Variants in DNAJC27 observed in about 807,000 individuals in gnomAD.
The protein encoded by DNAJC27 is DnaJ heat shock protein family (Hsp40) member C27.
In DNAJC27, 25 loss-of-function variants were observed where a neutral mutation model predicts 31.4. The observed-to-expected ratio is 0.80, with a 90% CI of 0.58 to 1.11. DNAJC27 has a LOEUF of 1.11. DNAJC27 is among the 50% of genes most tolerant of loss of function. The pLI, the probability that DNAJC27 is intolerant of heterozygous loss-of-function variation, is 0.00. For missense variants in DNAJC27, 356 were observed against 347.3 expected (o/e 1.02, Z -0.20); for synonymous variants, 106 against 112.7 (o/e 0.94, Z 0.37).
At chr2:24,951,626 T>A in intron 5 of DNAJC27, 72 bp from the exon 6 acceptor site, 1 of 1,365,664 alleles carries the variant, frequency 7.3e-7, no homozygotes, top group Non-Finnish European at 1.0e-6. Context: ...AGCATCAACT[T>A]AAAAGACTTT....
chr2:24,967,524 A>C (rs1443228561), intron 1 of DNAJC27, among the ~76,000 whole-genome samples: 1 of 152,134 alleles, frequency 6.6e-6, no homozygotes, highest in Non-Finnish European at 1.5e-5. Flanking sequence ...AACATGGCGA[A>C]ACCCCGTCTC....
intron 2 of DNAJC27, among the ~76,000 whole-genome samples, chr2:24,966,464 T>G (rs1414485316): frequency 6.6e-6 from 1 of 152,204 alleles, no homozygotes; most frequent in Non-Finnish European, 1.5e-5. Context: ...CAATTCATTT[T>G]TTTTTTCTTT....
chr2:24,963,976 C>A (rs1666113271), intron 2 of DNAJC27, among the ~76,000 whole-genome samples: 1 of 152,070 alleles, frequency 6.6e-6, no homozygotes, highest in Non-Finnish European at 1.5e-5. Context: ...AATTTGTTTT[C>A]AGATATTTGG....
At chr2:24,958,281 T>C (rs1425804161) in intron 3 of DNAJC27, among the ~76,000 whole-genome samples, 2 of 152,332 alleles carry the variant, frequency 1.3e-5, no homozygotes, top group African/African-American at 2.4e-5. Context: ...ACATCAATTA[T>C]ATAAAGTTCT....
intron 5 of DNAJC27, among the ~76,000 whole-genome samples, 178 bp from the exon 6 acceptor site, chr2:24,951,732 A>G (rs1424141514): frequency 6.6e-6 from 1 of 152,068 alleles, no homozygotes; most frequent in Admixed American, 6.5e-5. Flanking sequence ...ATATATTCAT[A>G]TATTTTAATA....
At chr2:24,957,423 C>A (rs1456946793) in intron 4 of DNAJC27, among the ~76,000 whole-genome samples, 2 of 152,180 alleles carry the variant, frequency 1.3e-5, no homozygotes, top group Non-Finnish European at 2.9e-5. Context: ...AGCTGTTACT[C>A]AGTTCTGTGA....
rs1227827648 is a variant in DNAJC27 at position 24,947,283 on chromosome 2, C to G, written c.*333G>C. 2 of 181,964 alleles carry G rather than the reference C, an allele frequency of 1.1e-5. No individual in the cohort carries two copies. Among genetic ancestry groups the G allele is most frequent in the Non-Finnish European group, 2.2e-5 (2 of 92,158 alleles). 11.3% of individuals were successfully genotyped at this position (181,964 alleles called of 1,614,324 possible). ...AAGTGAAAGGGTCCTCTTGTCCTCTCTTCCCTCCTCCAGGAACCTTGTGGA... is the reference window on the plus strand; with the variant it reads ...AAGTGAAAGGGTCCTCTTGTCCTCTGTTCCCTCCTCCAGGAACCTTGTGGA... On this transcript the variant is annotated 3_prime_UTR_variant, in exon 7 of 7. Transcript: ENST00000264711.
intron 3 of DNAJC27, among the ~76,000 whole-genome samples, chr2:24,960,685 T>C (rs147611604): frequency 9.3e-4 from 141 of 152,338 alleles, no homozygotes; most frequent in Middle Eastern, 3.4e-3. Context: ...GTGGTCTGGA[T>C]AGAAGTCCAA....
chr2:24,959,315 C>G (rs1210164704), intron 3 of DNAJC27, among the ~76,000 whole-genome samples: 3 of 152,196 alleles, frequency 2.0e-5, no homozygotes, highest in Non-Finnish European at 4.4e-5. Context: ...CCTATGCCTT[C>G]TTCCTTTCGT....
rs1332150976 is a variant in DNAJC27, at chr2:24,963,455, C to T, written c.190G>A (p.Glu64Lys). The T allele has an allele frequency of 6.2e-7, 1 of 1,613,752 alleles. No individual in the cohort carries two copies. Among genetic ancestry groups the T allele is most frequent in the African/African-American group, 1.3e-5 (1 of 75,038 alleles). Residue 64 changes from glutamate to lysine, a missense_variant, in exon 3 of 7, where the codon GAA (glutamate) becomes AAA (lysine). By Grantham distance (56) the Glu-to-Lys change is moderately conservative. Transcript: ENST00000264711. Reference sequence around the variant, plus strand: ...ATATCAAAGATGTTAACTTTGATTTCTCTGTCTCTGACGTGTACCCTGAAA... The same window carrying T: ...ATATCAAAGATGTTAACTTTGATTTTTCTGTCTCTGACGTGTACCCTGAAA... ...GVTKVHVRDR[E>K]IKVNIFDMAG... is the part of the protein sequence containing the mutation.
Position 24,944,458 on chromosome 2 carries a change from TTTAACTAACA to T in DNAJC27, c.*3148_*3157del, listed in dbSNP as rs1415858335. ...ATTTAGCTGCCTTATCTATAGCTCA[TTTAACTAACA>T]GTGAATTAGGTACTAGTTTATAGGT... On this transcript the variant is annotated 3_prime_UTR_variant, in exon 7 of 7. Transcript: ENST00000264711. 6.6e-6 allele frequency: 1 copy of T among 152,572 alleles called. No homozygotes were observed. The highest frequency in any genetic ancestry group is 2.4e-5 in the African/African-American group (1 of 41,426). 9.5% of individuals were successfully genotyped at this position (152,572 alleles called of 1,614,324 possible).
rs1336217722 is a variant in DNAJC27, at chr2:24,967,371, G to A, written c.88-78C>T. On this transcript the variant is annotated intron_variant, in intron 1 of 6. Coordinates refer to ENST00000264711, the MANE Select transcript of DNAJC27 (RefSeq NM_016544.3). ...CAGAATAAGTATATTTCTTCATTAT[G>A]GTTCCTCCATTCATCACTATGAAAA... is the stretch of plus-strand genomic sequence containing the variant. 2.7e-6 allele frequency: 3 copies of A among 1,106,002 alleles called. No homozygotes were observed. The African/African-American group carries it at 4.9e-5, about 18-fold the overall frequency. The allele number at this position is 1,106,002 out of a possible 1,614,324, so 68.5% of individuals were successfully genotyped here.
chr2:24,949,473 A>G (rs1573106858), intron 6 of DNAJC27, among the ~76,000 whole-genome samples: 1 of 152,240 alleles, frequency 6.6e-6, no homozygotes, highest in Admixed American at 6.5e-5. Flanking sequence ...AAATACATCA[A>G]TTCCGTTGAA....
At chr2:24,961,707 A>C (rs1221402721) in intron 3 of DNAJC27, among the ~76,000 whole-genome samples, 1 of 152,124 alleles carries the variant, frequency 6.6e-6, no homozygotes, top group East Asian at 1.9e-4. Flanking sequence ...TGGAAATAGG[A>C]AGAGAACTAG....
chr2:24,954,262 C>A (rs1452978039), intron 5 of DNAJC27, among the ~76,000 whole-genome samples: 1 of 152,134 alleles, frequency 6.6e-6, no homozygotes, highest in African/African-American at 2.4e-5. Flanking sequence ...GAGAACAAAA[C>A]CAATATCCTG....
chr2:24,954,314 G>C (rs1665852874), intron 5 of DNAJC27, among the ~76,000 whole-genome samples: 1 of 152,178 alleles, frequency 6.6e-6, no homozygotes, highest in South Asian at 2.1e-4. Flanking sequence ...GGGAACAGTA[G>C]GGTTTAGCCT....
At chr2:24,956,563 C>T (rs1444641462) in intron 5 of DNAJC27, among the ~76,000 whole-genome samples, 1 of 152,174 alleles carries the variant, frequency 6.6e-6, no homozygotes, top group Non-Finnish European at 1.5e-5. Flanking sequence ...GGTGGCAAGG[C>T]AATTTTGCCA....
chr2:24,952,864 A>G (rs1665812607), intron 5 of DNAJC27, among the ~76,000 whole-genome samples: 1 of 152,078 alleles, frequency 6.6e-6, no homozygotes, highest in African/African-American at 2.4e-5. Context: ...TATCTTTCCA[A>G]ATGCTTATGG....
At chr2:24,958,118 G>GT (rs1665952449) in intron 3 of DNAJC27, 144 bp from the exon 4 acceptor site, 1 of 717,858 alleles carries the variant, frequency 1.4e-6, no homozygotes, top group African/African-American at 1.8e-5. Flanking sequence ...TCATTAGAGG[G>GT]TTTTTTATAG....
Sources: gnomAD v4.1 joint callset for allele counts (sites outside exome capture counted in the v4.1 genomes callset) on GRCh38, gnomAD v4.1.1 for gene constraint, MANE v1.5 for transcripts, NCBI Gene and HGNC (gene_info 2026-07-23, HGNC 2026-07-21) for gene names.